LRP1B: variants seen among roughly 807,000 people sequenced by gnomAD.
LRP1B encodes low-density lipoprotein receptor-related protein 1B.
A neutral mutation model predicts 556.6 loss-of-function variants in LRP1B; 217 were observed. That is an observed-to-expected ratio of 0.39 (90% confidence interval 0.35 to 0.44). The LOEUF (loss-of-function observed/expected upper bound fraction) is 0.44, where lower values mean the gene tolerates loss of function less well. Ranked by LOEUF, LRP1B falls within the 20% of genes least tolerant of loss-of-function variation. LRP1B has a pLI of 1.00. For synonymous variants in LRP1B, 2,047 were observed against 1,865.8 expected (o/e 1.10, Z -2.50); for missense variants, 5,053 against 5,620.8 (o/e 0.90, Z 3.23).
chr2:141,325,626 C>A (rs1004301425), intron 3 of LRP1B, among the ~76,000 whole-genome samples: 1 of 151,916 alleles, frequency 6.6e-6, no homozygotes, highest in African/African-American at 2.4e-5. Context: ...GTGAAATAAA[C>A]CAAGTTTCTT....
At chr2:140,874,666 T>C (rs9808519) in intron 25 of LRP1B, among the ~76,000 whole-genome samples, 2,585 of 152,124 alleles carry the variant, frequency 0.017, 65 homozygotes, top group African/African-American at 0.058. Flanking sequence ...TTTATCTTTC[T>C]GTACGTGCTT....
At chr2:141,759,776 A>T (rs1347157910) in intron 2 of LRP1B, among the ~76,000 whole-genome samples, 5 of 152,166 alleles carry the variant, frequency 3.3e-5, no homozygotes, top group Non-Finnish European at 7.4e-5. Context: ...AGATGTTTAG[A>T]TCTTTGAGGG....
At chr2:141,515,251 G>A (rs549554796) in intron 2 of LRP1B, among the ~76,000 whole-genome samples, 104 of 150,818 alleles carry the variant, frequency 6.9e-4, no homozygotes, top group Middle Eastern at 3.4e-3. Context: ...GCGGTGAGCC[G>A]AGATCGCACC....
intron 35 of LRP1B, among the ~76,000 whole-genome samples, chr2:140,753,933 T>A (rs421523): frequency 0.33 from 49,720 of 151,766 alleles, 8,238 homozygotes; most frequent in South Asian, 0.4. Flanking sequence ...GACCTCCCAA[T>A]CCAGAGAAGG....
intron 1 of LRP1B, among the ~76,000 whole-genome samples, chr2:141,841,117 C>A (rs1697457398): frequency 6.6e-6 from 1 of 152,064 alleles, no homozygotes; most frequent in Non-Finnish European, 1.5e-5. Context: ...AAAATTAGCT[C>A]TTTATTTAAA....
intron 41 of LRP1B, among the ~76,000 whole-genome samples, chr2:140,681,396 A>C (rs1276055298): frequency 6.6e-6 from 1 of 152,220 alleles, no homozygotes; most frequent in Non-Finnish European, 1.5e-5. Context: ...CTTTCATATC[A>C]GTGAAATGAA....
intron 1 of LRP1B, among the ~76,000 whole-genome samples, chr2:142,005,671 A>G (rs986009289): frequency 2.0e-5 from 3 of 152,138 alleles, no homozygotes; most frequent in East Asian, 3.8e-4. Flanking sequence ...CTGTAATGCT[A>G]TATTCATTTT....
At chr2:140,458,303 C>T (rs570366265) in intron 60 of LRP1B, among the ~76,000 whole-genome samples, 1 of 152,114 alleles carries the variant, frequency 6.6e-6, no homozygotes, top group East Asian at 1.9e-4. Flanking sequence ...AGTTTAGTTG[C>T]AGATTAAAAA....
intron 35 of LRP1B, among the ~76,000 whole-genome samples, chr2:140,752,604 C>T (rs1195711979): frequency 2.6e-5 from 4 of 152,090 alleles, no homozygotes; most frequent in African/African-American, 7.2e-5. Context: ...GGATGACAGG[C>T]GTGAGCCACC....
At chr2:140,431,871 T>A (rs1218132994) in intron 66 of LRP1B, among the ~76,000 whole-genome samples, 2 of 152,106 alleles carry the variant, frequency 1.3e-5, no homozygotes, top group Admixed American at 6.6e-5. Flanking sequence ...CTAATCCCTC[T>A]CGAAGCAGCC....
At position 140,385,964 on chromosome 2, in the gene LRP1B, T is replaced by C; in HGVS notation, c.10460A>G (p.Asn3487Ser). 6.2e-7 allele frequency: 1 copy of C among 1,613,598 alleles called. No homozygotes were observed. Among genetic ancestry groups the C allele is most frequent in the Non-Finnish European group, 8.5e-7 (1 of 1,179,660 alleles). ...GPHEFQCKNN[N>S]CIPDHWRCDS... is the part of the protein sequence containing the mutation. ...ACACCGCCAGTGATCGGGAATACAGTTGTTGTTTTTACACTGGAATTCATG... is the reference window on the plus strand; with the variant it reads ...ACACCGCCAGTGATCGGGAATACAGCTGTTGTTTTTACACTGGAATTCATG... The change falls in exon 67 of 91, where the codon AAC becomes AGC. Residue 3487 changes from asparagine (N) to serine (S), a missense_variant. This residue lies in a region of LRP1B where 262 missense variants were observed against 395.1 expected (regional missense o/e 0.66). Coordinates refer to ENST00000389484, the MANE Select transcript of LRP1B (RefSeq NM_018557.3).
intron 1 of LRP1B, among the ~76,000 whole-genome samples, chr2:142,063,740 C>T (rs757904740): frequency 3.3e-5 from 5 of 151,336 alleles, no homozygotes; most frequent in Non-Finnish European, 7.4e-5. Context: ...ATTAACATTC[C>T]AATACTCTAA....
intron 2 of LRP1B, among the ~76,000 whole-genome samples, chr2:141,806,742 G>T (rs1395707955): frequency 2.0e-5 from 3 of 151,908 alleles, no homozygotes; most frequent in Non-Finnish European, 2.9e-5. Flanking sequence ...TAGTTTCCAG[G>T]ATTTCTTATT....
At chr2:141,696,732 G>C (rs1691744201) in intron 2 of LRP1B, among the ~76,000 whole-genome samples, 1 of 151,978 alleles carries the variant, frequency 6.6e-6, no homozygotes, top group Non-Finnish European at 1.5e-5. Context: ...AATAGATGGA[G>C]AGATTCAATT....
intron 1 of LRP1B, among the ~76,000 whole-genome samples, chr2:141,838,750 T>C (rs1015355308): frequency 2.6e-5 from 4 of 152,196 alleles, no homozygotes; most frequent in Non-Finnish European, 5.9e-5. Context: ...ATAATTTACA[T>C]GTTCGCTGGA....
At chr2:142,078,495 G>A (rs780117177) in intron 1 of LRP1B, among the ~76,000 whole-genome samples, 3 of 152,184 alleles carry the variant, frequency 2.0e-5, no homozygotes, top group Non-Finnish European at 1.5e-5. Flanking sequence ...CAGAAAATTC[G>A]AGTTTAAGAT....
At chr2:140,821,294 A>G (rs958810238) in intron 31 of LRP1B, among the ~76,000 whole-genome samples, 21 of 152,200 alleles carry the variant, frequency 1.4e-4, no homozygotes, top group African/African-American at 4.8e-4. Context: ...GAGTAAATGA[A>G]TAATCAGATG....
intron 3 of LRP1B, among the ~76,000 whole-genome samples, chr2:141,436,019 A>G (rs1458639795): frequency 6.6e-6 from 1 of 152,194 alleles, no homozygotes; most frequent in Non-Finnish European, 1.5e-5. Context: ...CTGAAAGGGT[A>G]GGGAAAATAG....
intron 49 of LRP1B, among the ~76,000 whole-genome samples, chr2:140,521,379 A>C (rs528601434): frequency 6.6e-6 from 1 of 152,210 alleles, no homozygotes; most frequent in Admixed American, 6.6e-5. Flanking sequence ...AATCTAGAAG[A>C]GATTGGGGAC....
Sources: allele counts gnomAD v4.1 joint callset (sites outside exome capture counted in the v4.1 genomes callset), GRCh38; gene constraint gnomAD v4.1.1; regional missense constraint gnomAD v4.1.1; transcripts MANE v1.5; gene names NCBI Gene and HGNC (gene_info 2026-07-23, HGNC 2026-07-21).